TOP6BL: variants seen among roughly 807,000 people sequenced by gnomAD.
TOP6BL encodes TOP6B like initiator of meiotic double strand breaks, also known as type 2 DNA topoisomerase 6 subunit B-like.
chr11:66,831,024 A>G, the TOP6BL span, among the ~76,000 whole-genome samples: 839 of 152,334 alleles, frequency 5.5e-3, 3 homozygotes, highest in Non-Finnish European at 9.4e-3. Context: ...AAGATGCCCA[A>G]CATCATCAGT....
chr11:66,828,368 AGT>A, the TOP6BL span: 6 of 1,601,436 alleles, frequency 3.7e-6, no homozygotes, highest in East Asian at 1.3e-4. Context: ...GAAGCAGGTA[AGT>A]GTAAATAATC....
At chr11:66,790,124 T>C in the TOP6BL span, among the ~76,000 whole-genome samples, 1 of 151,806 alleles carries the variant, frequency 6.6e-6, no homozygotes, top group East Asian at 1.9e-4. Context: ...TACAAAAAAT[T>C]AGCCGGGTGT....
the TOP6BL span, among the ~76,000 whole-genome samples, chr11:66,774,891 AT>A: frequency 1.3e-5 from 2 of 151,758 alleles, no homozygotes; most frequent in African/African-American, 4.8e-5. Context: ...AGGCTGGCAG[AT>A]TACCGGAGGT....
the TOP6BL span, chr11:66,759,007 T>C: frequency 6.8e-7 from 1 of 1,466,288 alleles, no homozygotes; most frequent in Non-Finnish European, 9.3e-7. Context: ...TGCATTTACT[T>C]ATTTGTGATA....
At chr11:66,796,550 C>T in the TOP6BL span, among the ~76,000 whole-genome samples, 5 of 151,870 alleles carry the variant, frequency 3.3e-5, no homozygotes, top group South Asian at 2.1e-4. Flanking sequence ...GAGGCCGAGG[C>T]GGGAGGATCG....
the TOP6BL span, among the ~76,000 whole-genome samples, chr11:66,791,967 G>A: frequency 2.0e-5 from 3 of 151,914 alleles, no homozygotes; most frequent in East Asian, 5.8e-4. Context: ...ACAGGCACTC[G>A]CCACCATGCC....
chr11:66,744,952 A>C, the TOP6BL span: 4 of 1,247,240 alleles, frequency 3.2e-6, no homozygotes, highest in Non-Finnish European at 4.0e-6. Context: ...AGCGGAGGAC[A>C]CTTTCTGAGG....
the TOP6BL span, among the ~76,000 whole-genome samples, chr11:66,773,776 G>A: frequency 2.0e-5 from 3 of 151,938 alleles, no homozygotes; most frequent in Admixed American, 6.6e-5. Context: ...TCGCTCTGTT[G>A]CTCAGGCTGG....
chr11:66,796,351 T>G, the TOP6BL span: 1 of 1,608,392 alleles, frequency 6.2e-7, no homozygotes, highest in Non-Finnish European at 8.5e-7. Context: ...AAAATCATCA[T>G]GGTGCACCCT....
the TOP6BL span, among the ~76,000 whole-genome samples, chr11:66,787,592 T>A: frequency 1.4e-5 from 2 of 147,902 alleles, no homozygotes; most frequent in African/African-American, 5.0e-5. Flanking sequence ...TGGTGGTGCA[T>A]GCCTCTAATC....
At chr11:66,758,033 C>A in the TOP6BL span, 1 of 611,948 alleles carries the variant, frequency 1.6e-6, no homozygotes, top group Non-Finnish European at 2.0e-6. Flanking sequence ...CTGAAAGATG[C>A]ACATTTTCTG....
the TOP6BL span, among the ~76,000 whole-genome samples, chr11:66,778,332 A>T: frequency 6.6e-6 from 1 of 152,122 alleles, no homozygotes. Flanking sequence ...CAAGATGCTC[A>T]GTTGGCTATG....
the TOP6BL span, chr11:66,788,137 T>G: frequency 1.3e-6 from 2 of 1,541,332 alleles, no homozygotes; most frequent in South Asian, 2.3e-5. Flanking sequence ...TGTTTGACTT[T>G]GTTGCCATTT....
chr11:66,843,484 G>C, the TOP6BL span: 4 of 1,470,926 alleles, frequency 2.7e-6, no homozygotes, highest in Non-Finnish European at 3.6e-6. Context: ...GATGGGCTGC[G>C]ACTGCTGTCG....
the TOP6BL span, chr11:66,771,542 A>G: frequency 6.5e-6 from 1 of 152,780 alleles, no homozygotes; most frequent in Non-Finnish European, 1.5e-5. Flanking sequence ...AGAAGTGGCC[A>G]GTGCCTTCCA....
chr11:66,840,203 A>G, the TOP6BL span, among the ~76,000 whole-genome samples: 32 of 152,152 alleles, frequency 2.1e-4, no homozygotes, highest in Non-Finnish European at 5.9e-5. Context: ...CCACTCACTC[A>G]GGAGCCTTTG....
chr11:66,793,716 G>T, the TOP6BL span, among the ~76,000 whole-genome samples: 1 of 151,956 alleles, frequency 6.6e-6, no homozygotes, highest in Non-Finnish European at 1.5e-5. Flanking sequence ...AAAGTGCTGG[G>T]ATTACAGGTG....
the TOP6BL span, among the ~76,000 whole-genome samples, chr11:66,836,605 C>A: frequency 1.3e-5 from 2 of 150,102 alleles, no homozygotes; most frequent in Admixed American, 1.3e-4. Context: ...GTAATCCCAG[C>A]ACTTTGGGAG....
the TOP6BL span, among the ~76,000 whole-genome samples, chr11:66,791,552 T>G: frequency 6.6e-6 from 1 of 152,122 alleles, no homozygotes; most frequent in Non-Finnish European, 1.5e-5. Flanking sequence ...GAAAGTGATA[T>G]AAGGGCTCAT....
Sources: gnomAD v4.1 joint callset for allele counts (sites outside exome capture counted in the v4.1 genomes callset) on GRCh38, gnomAD v4.1.1 for gene constraint, MANE v1.5 for transcripts, NCBI Gene and HGNC (gene_info 2026-07-23, HGNC 2026-07-21) for gene names.